Variants in CNBD1 observed in about 807,000 individuals in gnomAD.
CNBD1 encodes cyclic nucleotide-binding domain-containing protein 1.
A neutral mutation model predicts 54.4 loss-of-function variants in CNBD1; 71 were observed. The ratio of observed to expected loss-of-function variants is 1.30; its 90% CI spans 1.08 to 1.59. The LOEUF (loss-of-function observed/expected upper bound fraction) is 1.59. Among genes scored for constraint, CNBD1 ranks in the 40% most tolerant of loss-of-function variants. The probability of loss-of-function intolerance (pLI) is 0.00; values close to 1 mark genes in which losing one functional copy is unlikely to be tolerated. For synonymous variants in CNBD1, 182 were observed against 170.7 expected (o/e 1.07, Z -0.51); for missense variants, 659 against 518.0 (o/e 1.27, Z -2.64).
At chr8:87,239,657 G>A (rs1346111785) in intron 6 of CNBD1, among the ~76,000 whole-genome samples, 1 of 151,994 alleles carries the variant, frequency 6.6e-6, no homozygotes, top group African/African-American at 2.4e-5. Context: ...ACAAACATAA[G>A]GTGAAAAACA....
At chr8:87,301,799 A>G (rs1054652639) in intron 8 of CNBD1, among the ~76,000 whole-genome samples, 2 of 152,206 alleles carry the variant, frequency 1.3e-5, no homozygotes, top group African/African-American at 4.8e-5. Context: ...AAAATGATAA[A>G]GGGGATATCA....
intron 4 of CNBD1, among the ~76,000 whole-genome samples, chr8:87,179,349 A>T (rs1813263427): frequency 6.6e-6 from 1 of 152,200 alleles, no homozygotes; most frequent in African/African-American, 2.4e-5. Context: ...ATTAGATATA[A>T]GTACCATTTA....
chr8:87,282,384 A>G (rs1808616731), intron 6 of CNBD1, among the ~76,000 whole-genome samples: 1 of 151,598 alleles, frequency 6.6e-6, no homozygotes, highest in African/African-American at 2.4e-5. Context: ...TCCATTTTGG[A>G]TTCAGTATTG....
intron 4 of CNBD1, among the ~76,000 whole-genome samples, chr8:87,097,575 T>C (rs867140309): frequency 1.7e-4 from 26 of 152,376 alleles, no homozygotes; most frequent in Non-Finnish European, 3.5e-4. Flanking sequence ...TACTTTGATG[T>C]ATGTCTTGTA....
chr8:87,108,007 C>T (rs561499354), intron 4 of CNBD1, among the ~76,000 whole-genome samples: 1 of 152,284 alleles, frequency 6.6e-6, no homozygotes, highest in East Asian at 1.9e-4. Context: ...GAAATACAAT[C>T]ATAATCTTTA....
chr8:87,176,652 A>T (rs1477536605), intron 4 of CNBD1, among the ~76,000 whole-genome samples: 23 of 134,892 alleles, frequency 1.7e-4, no homozygotes, highest in Admixed American at 1.1e-3. Flanking sequence ...GCCCGGCTAA[A>T]TTTTTTTTTT....
At chr8:87,065,338 T>A (rs1479764410) in intron 4 of CNBD1, among the ~76,000 whole-genome samples, 1 of 152,034 alleles carries the variant, frequency 6.6e-6, no homozygotes, top group African/African-American at 2.4e-5. Context: ...CAAGTCACTG[T>A]ATTTGAAAAA....
intron 4 of CNBD1, among the ~76,000 whole-genome samples, chr8:86,985,592 T>C (rs1205541079): frequency 6.6e-6 from 1 of 152,240 alleles, no homozygotes; most frequent in Non-Finnish European, 1.5e-5. Context: ...ATGCATAGTA[T>C]TCCATGATGT....
intron 5 of CNBD1, among the ~76,000 whole-genome samples, chr8:87,216,857 T>A (rs1013813954): frequency 6.6e-6 from 1 of 152,180 alleles, no homozygotes; most frequent in African/African-American, 2.4e-5. Flanking sequence ...GAATAATATG[T>A]GGCATTAATT....
At chr8:87,409,148 G>A (rs1383714641) in intron 2 of CNBD1, among the ~76,000 whole-genome samples, 1 of 152,176 alleles carries the variant, frequency 6.6e-6, no homozygotes, top group African/African-American at 2.4e-5. Flanking sequence ...TAGTAGCCAT[G>A]TTTTGAATGC....
intron 4 of CNBD1, among the ~76,000 whole-genome samples, chr8:87,067,782 G>C (rs569095795): frequency 6.6e-6 from 1 of 151,828 alleles, no homozygotes; most frequent in African/African-American, 2.4e-5. Flanking sequence ...AAGTGCGATT[G>C]ATCTCCATTA....
chr8:87,164,514 A>G (rs1014555200), intron 4 of CNBD1, among the ~76,000 whole-genome samples: 1 of 151,634 alleles, frequency 6.6e-6, no homozygotes, highest in African/African-American at 2.4e-5. Context: ...TCCATGAATC[A>G]GTTCTGGTAG....
intron 4 of CNBD1, among the ~76,000 whole-genome samples, chr8:86,988,147 T>G (rs1341796800): frequency 6.9e-6 from 1 of 144,192 alleles, no homozygotes; most frequent in Non-Finnish European, 1.5e-5. Context: ...TGATAGGTTT[T>G]TTTTTTTTTT....
intron 8 of CNBD1, among the ~76,000 whole-genome samples, chr8:87,289,289 T>A (rs1213537896): frequency 6.6e-6 from 1 of 152,144 alleles, no homozygotes; most frequent in Non-Finnish European, 1.5e-5. Flanking sequence ...ATTTGCTTTG[T>A]TAACTTCTTA....
At chr8:87,046,971 A>G (rs980715937) in intron 4 of CNBD1, among the ~76,000 whole-genome samples, 2 of 152,160 alleles carry the variant, frequency 1.3e-5, no homozygotes, top group Admixed American at 6.5e-5. Flanking sequence ...AATACTGGTA[A>G]GAGGAGTTAC....
chr8:87,271,661 T>C (rs924368767), intron 6 of CNBD1, among the ~76,000 whole-genome samples: 1 of 152,020 alleles, frequency 6.6e-6, no homozygotes, highest in Non-Finnish European at 1.5e-5. Flanking sequence ...TTGATGAGAA[T>C]GTAAATTAGT....
chr8:86,870,041 T>A (rs1041934527), intron 1 of CNBD1, among the ~76,000 whole-genome samples: 2 of 151,912 alleles, frequency 1.3e-5, no homozygotes, highest in East Asian at 1.9e-4. Flanking sequence ...GAAAAAAAAA[T>A]TTCTGTGCTT....
At chr8:87,096,047 C>T (rs1811313409) in intron 4 of CNBD1, among the ~76,000 whole-genome samples, 1 of 152,158 alleles carries the variant, frequency 6.6e-6, no homozygotes, top group Non-Finnish European at 1.5e-5. Flanking sequence ...GGTAATTGGG[C>T]ATTCTCTGCC....
intron 6 of CNBD1, among the ~76,000 whole-genome samples, chr8:87,255,255 G>A (rs1354105544): frequency 1.3e-5 from 2 of 152,092 alleles, no homozygotes; most frequent in Non-Finnish European, 2.9e-5. Flanking sequence ...TTCAGGGAAG[G>A]GAGTGGCATG....
Sources: gnomAD v4.1 joint callset for allele counts (sites outside exome capture counted in the v4.1 genomes callset) on GRCh38, gnomAD v4.1.1 for gene constraint, MANE v1.5 for transcripts, NCBI Gene and HGNC (gene_info 2026-07-23, HGNC 2026-07-21) for gene names.